The following SHROOM2 variants were observed in gnomAD, a reference collection of about 807,000 sequenced individuals.
SHROOM2 encodes the protein protein Shroom2.
Under a neutral mutation model 75.9 loss-of-function variants are expected in SHROOM2, and 33 were observed. The observed-to-expected ratio is 0.43, with a 90% CI of 0.33 to 0.58. The LOEUF (loss-of-function observed/expected upper bound fraction) is 0.58, where lower values mean the gene tolerates loss of function less well. Ranked by LOEUF, SHROOM2 falls within the 20% of genes least tolerant of loss-of-function variation. SHROOM2 has a pLI of 0.04. For synonymous variants in SHROOM2, 655 were observed against 663.6 expected, an observed-to-expected ratio of 0.99 and a Z score of 0.20; for missense variants, 1,434 against 1,461.2, an observed-to-expected ratio of 0.98 and a Z score of 0.30.
At chrX:9,937,931 G>C (rs927282169) in intron 7 of SHROOM2, among the ~76,000 whole-genome samples, 1 of 111,936 alleles carries the variant, frequency 8.9e-6, no homozygotes, top group Non-Finnish European at 1.9e-5. Flanking sequence ...GCCTTGGCCT[G>C]AGGCCAGCAG....
At chrX:9,888,810 A>C in intron 2 of SHROOM2, among the ~76,000 whole-genome samples, 1 of 112,178 alleles carries the variant, frequency 8.9e-6, no homozygotes, top group Non-Finnish European at 1.9e-5. Context: ...TGCTAATGAT[A>C]GTTTATCTGG....
intron 1 of SHROOM2, among the ~76,000 whole-genome samples, chrX:9,804,059 C>A (rs1601914452): frequency 9.0e-6 from 1 of 111,723 alleles, no homozygotes; most frequent in Non-Finnish European, 1.9e-5. Context: ...ACTGGGTTAA[C>A]TAGATCGTGC....
chrX:9,789,299 G>A (rs1443168327), intron 1 of SHROOM2, among the ~76,000 whole-genome samples: 1 of 111,381 alleles, frequency 9.0e-6, no homozygotes, highest in Non-Finnish European at 1.9e-5. Context: ...CAGAGGAGTA[G>A]CATTCTTGGA....
intron 2 of SHROOM2, among the ~76,000 whole-genome samples, chrX:9,875,013 C>G (rs1316083882): frequency 2.3e-5 from 2 of 85,919 alleles, no homozygotes; most frequent in Non-Finnish European, 4.3e-5. Context: ...CCTGGGAGGT[C>G]GAGGCTACAA....
chrX:9,949,127 C>A lies in SHROOM2; in HGVS notation c.*2190C>A. 4.3e-6 allele frequency: 1 copy of A among 231,736 alleles called. No individual in the cohort carries two copies. Among genetic ancestry groups the A allele is most frequent in the Non-Finnish European group, 8.2e-6 (1 of 121,809 alleles). The allele number at this position is 231,736 out of a possible 1,213,427, so 19.1% of individuals were successfully genotyped here. ...GCTGTCCTGTCAGTTCCCCTGTTTG[C>A]CTCTGAAACGTCTGGTTAGTGGGGA... On this transcript the variant is annotated 3_prime_UTR_variant, in exon 10 of 10. Transcript: ENST00000380913.
intron 7 of SHROOM2, 151 bp downstream of exon 7, chrX:9,937,836 C>T: frequency 1.9e-6 from 1 of 513,289 alleles, no homozygotes; most frequent in Non-Finnish European, 3.1e-6. Flanking sequence ...CACTTTTTGG[C>T]TTTTTTGTGA....
intron 5 of SHROOM2, among the ~76,000 whole-genome samples, chrX:9,904,421 T>C (rs1259491355): frequency 2.7e-5 from 3 of 111,858 alleles, no homozygotes; most frequent in Non-Finnish European, 5.6e-5. Flanking sequence ...TCGCACAGGA[T>C]CCTTGATCCC....
Position 9,792,084 on chromosome X carries a change from T to A in SHROOM2, c.165+5374T>A, listed in dbSNP as rs1298530403. Among the ~76,000 whole-genome samples, 96 of 12,236 alleles carry A rather than the reference T, an allele frequency of 7.8e-3. 7 individuals are homozygous for A. Among genetic ancestry groups the A allele is most frequent in the African/African-American group, 0.012 (51 of 4,260 alleles). 10.6% of individuals were successfully genotyped at this position (12,236 alleles called of 115,157 possible). A position where few individuals can be genotyped will look rare whatever the true frequency, so the allele number is the denominator to read the frequency against. ...TAGAATAGAATAGAATAGAATAGAA[T>A]AGAATAGAATAGAATAGAATAGAAT... is the stretch of plus-strand genomic sequence containing the variant. On this transcript the variant is annotated intron_variant, in intron 1 of 9. Coordinates refer to ENST00000380913, the MANE Select transcript of SHROOM2 (RefSeq NM_001649.4).
At chrX:9,908,344 G>C (rs2084402712) in intron 5 of SHROOM2, among the ~76,000 whole-genome samples, 1 of 112,192 alleles carries the variant, frequency 8.9e-6, no homozygotes, top group Admixed American at 9.5e-5. Context: ...AAGAGGTGAG[G>C]AGGAAGTTCT....
chrX:9,823,077 TTCTC>T (rs1437416884), intron 1 of SHROOM2, among the ~76,000 whole-genome samples: 1 of 70,488 alleles, frequency 1.4e-5, no homozygotes, highest in Non-Finnish European at 2.5e-5. Flanking sequence ...TCCTCCTCCC[TTCTC>T]CCTTCTCCTC....
intron 1 of SHROOM2, among the ~76,000 whole-genome samples, chrX:9,827,223 CTTTTTTTTT>C (rs397953893): frequency 1.7e-5 from 1 of 60,153 alleles, no homozygotes; most frequent in Non-Finnish European, 2.8e-5. Flanking sequence ...TTTTCTTTTT[CTTTTTTTTT>C]TTTTTTTTGA....
At chrX:9,870,668 A>G (rs1198710500) in intron 1 of SHROOM2, among the ~76,000 whole-genome samples, 1 of 112,457 alleles carries the variant, frequency 8.9e-6, no homozygotes, top group African/African-American at 3.2e-5. Flanking sequence ...AAAGAGACCA[A>G]TCTTTTCACC....
At chrX:9,810,476 T>C (rs1043681338) in intron 1 of SHROOM2, among the ~76,000 whole-genome samples, 5 of 111,276 alleles carry the variant, frequency 4.5e-5, no homozygotes, top group Non-Finnish European at 9.4e-5. Flanking sequence ...ACTCCCTTCT[T>C]AGCCTGTTGA....
At chrX:9,852,302 G>A (rs1299830960) in intron 1 of SHROOM2, among the ~76,000 whole-genome samples, 1 of 112,851 alleles carries the variant, frequency 8.9e-6, no homozygotes, top group African/African-American at 3.2e-5. Context: ...TTTTAGGAAG[G>A]ATCCTTCACT....
intron 5 of SHROOM2, among the ~76,000 whole-genome samples, chrX:9,901,514 G>C (rs767021482): frequency 6.2e-5 from 7 of 112,355 alleles, no homozygotes; most frequent in Middle Eastern, 4.6e-3. Context: ...AGAGGGAGCT[G>C]TCACCCTGTG....
rs182424602 is a variant in SHROOM2, at chrX:9,866,196, G to T, written c.166-7456G>T. On this transcript the variant is annotated intron_variant, in intron 1 of 9. Transcript: ENST00000380913. ...AAGTCTGTCTCACAGAGAACCTTCA[G>T]TGTGGACAAGGTGTTCTCATTTATT... 1.9e-3 allele frequency among the ~76,000 whole-genome samples: 205 copies of T among 106,083 alleles called. 1 individual carries two copies. Among genetic ancestry groups the T allele is most frequent in the African/African-American group, 6.2e-3 (180 of 28,801 alleles). 92.1% of individuals were successfully genotyped at this position (106,083 alleles called of 115,157 possible). A position where few individuals can be genotyped will look rare whatever the true frequency, so the allele number is the denominator to read the frequency against.
chrX:9,864,300 C>T (rs1461382260), intron 1 of SHROOM2, among the ~76,000 whole-genome samples: 2 of 111,252 alleles, frequency 1.8e-5, no homozygotes, highest in Non-Finnish European at 1.9e-5. Flanking sequence ...CCGACTGCCA[C>T]GACCAGAAGA....
chrX:9,903,938 C>T (rs1235478192), intron 5 of SHROOM2, among the ~76,000 whole-genome samples: 1 of 110,693 alleles, frequency 9.0e-6, no homozygotes, highest in African/African-American at 3.3e-5. Context: ...GGCGGCCACC[C>T]GTTTGTTTAC....
chrX:9,919,168 C>T (rs939907189), intron 5 of SHROOM2, among the ~76,000 whole-genome samples: 2 of 110,614 alleles, frequency 1.8e-5, no homozygotes, highest in African/African-American at 6.6e-5. Context: ...TGAGCACAGT[C>T]GTTTCAGCTA....
Sources: gnomAD v4.1 joint callset for allele counts (sites outside exome capture counted in the v4.1 genomes callset) on GRCh38, gnomAD v4.1.1 for gene constraint, MANE v1.5 for transcripts, NCBI Gene and HGNC (gene_info 2026-07-23, HGNC 2026-07-21) for gene names.